AGBL1: variants seen among roughly 807,000 people sequenced by gnomAD.
AGBL1 encodes the protein AGBL carboxypeptidase 1.
A neutral mutation model predicts 118.9 loss-of-function variants in AGBL1; 130 were observed. The ratio of observed to expected loss-of-function variants is 1.09; its 90% CI spans 0.95 to 1.26. AGBL1 has a LOEUF of 1.26. Among genes scored for constraint, AGBL1 ranks in the 50% most tolerant of loss-of-function variants. AGBL1 has a pLI of 0.00. For missense variants in AGBL1, 1,584 were observed against 1,298.1 expected (o/e 1.22, Z -3.38); for synonymous variants, 555 against 478.9 (o/e 1.16, Z -2.08).
At chr15:86,663,282 T>C (rs2447251) in intron 21 of AGBL1, among the ~76,000 whole-genome samples, 2,061 of 152,344 alleles carry the variant, frequency 0.014, 14 homozygotes, top group Non-Finnish European at 0.022. Flanking sequence ...GGCCAGCTTC[T>C]GTTCTAATTG....
intron 18 of AGBL1, among the ~76,000 whole-genome samples, chr15:86,457,128 T>A (rs2082270672): frequency 6.6e-6 from 1 of 151,712 alleles, no homozygotes; most frequent in Admixed American, 6.6e-5. Context: ...TACGCATTCT[T>A]AAAAAAAAGC....
chr15:86,232,954 A>T (rs895184690), intron 6 of AGBL1, among the ~76,000 whole-genome samples: 3 of 152,186 alleles, frequency 2.0e-5, no homozygotes, highest in Middle Eastern at 3.2e-3. Flanking sequence ...AATAATGACT[A>T]TCAATAATTA....
chr15:86,185,922 C>T (rs959079492), intron 5 of AGBL1, among the ~76,000 whole-genome samples: 2 of 151,966 alleles, frequency 1.3e-5, no homozygotes, highest in African/African-American at 4.8e-5. Context: ...AAATCGTTTC[C>T]AGTTTCTTAA....
intron 1 of AGBL1, among the ~76,000 whole-genome samples, chr15:86,111,137 C>T (rs1257534863): frequency 6.6e-6 from 1 of 152,222 alleles, no homozygotes; most frequent in Non-Finnish European, 1.5e-5. Context: ...CCCGGTTGGT[C>T]CTGAGCGTCT....
At chr15:86,375,726 C>T (rs889135855) in intron 17 of AGBL1, among the ~76,000 whole-genome samples, 10 of 152,158 alleles carry the variant, frequency 6.6e-5, no homozygotes, top group African/African-American at 2.4e-4. Context: ...CCTTAGCTGG[C>T]CCTAAAAATC....
intron 22 of AGBL1, among the ~76,000 whole-genome samples, chr15:86,778,466 G>A (rs1054351487): frequency 8.6e-5 from 13 of 152,020 alleles, no homozygotes; most frequent in African/African-American, 2.4e-4. Flanking sequence ...TGTAAAAGAC[G>A]GCCACCCCCC....
At chr15:86,657,932 T>C (rs1164839131) in intron 21 of AGBL1, among the ~76,000 whole-genome samples, 1 of 152,038 alleles carries the variant, frequency 6.6e-6, no homozygotes, top group African/African-American at 2.4e-5. Context: ...CTCCTGCTTA[T>C]TGAGAATACA....
At chr15:86,250,500 T>G (rs1252447428) in intron 7 of AGBL1, among the ~76,000 whole-genome samples, 1 of 114,748 alleles carries the variant, frequency 8.7e-6, no homozygotes, top group African/African-American at 3.5e-5. Flanking sequence ...CACTCCAGTC[T>G]GGGCAACAGA....
chr15:86,286,748 T>TATATATATATATAA lies in AGBL1; in HGVS notation c.2220+6966_2220+6967insTATATATATATAAA, dbSNP rs1306818279. Among the ~76,000 whole-genome samples the TATATATATATATAA allele has an allele frequency of 2.0e-3, 288 of 146,210 alleles. 7 individuals are homozygous for TATATATATATATAA. Among genetic ancestry groups the TATATATATATATAA allele is most frequent in the African/African-American group, 7.0e-3 (272 of 38,928 alleles). On this transcript the variant is annotated intron_variant, in intron 16 of 22. Coordinates refer to ENST00000614907, the MANE Select transcript of AGBL1 (RefSeq NM_001386094.1). The stretch of plus-strand genomic sequence containing the variant: ...GTGTTTGTGTGTGTATATATATATA[T>TATATATATATATAA]AAAACTCCATCAATGCGCACTGTGG...
At chr15:86,315,591 G>T (rs532295778) in intron 17 of AGBL1, among the ~76,000 whole-genome samples, 3 of 151,654 alleles carry the variant, frequency 2.0e-5, no homozygotes, top group Admixed American at 2.0e-4. Flanking sequence ...GGTGGTGCGC[G>T]CCTGTAGTCC....
intron 1 of AGBL1, among the ~76,000 whole-genome samples, chr15:86,102,578 C>G (rs776838566): frequency 2.0e-5 from 3 of 152,116 alleles, no homozygotes; most frequent in Non-Finnish European, 4.4e-5. Context: ...GCATAATATT[C>G]CCGCCCCACC....
At chr15:86,579,571 A>G (rs1181183762) in intron 21 of AGBL1, among the ~76,000 whole-genome samples, 2 of 152,206 alleles carry the variant, frequency 1.3e-5, no homozygotes, top group African/African-American at 2.4e-5. Flanking sequence ...GGGGAATTGT[A>G]GCAGAAGTAA....
At chr15:86,845,812 T>C (rs2347243) in intron 22 of AGBL1, among the ~76,000 whole-genome samples, 3,438 of 152,300 alleles carry the variant, frequency 0.023, 128 homozygotes, top group East Asian at 0.19. Flanking sequence ...AAATTGTGTT[T>C]GGTAAATCTG....
intron 17 of AGBL1, among the ~76,000 whole-genome samples, chr15:86,319,721 A>ACTTTGTTTT (rs968532535): frequency 6.8e-5 from 6 of 88,194 alleles, no homozygotes; most frequent in Non-Finnish European, 9.5e-5. Flanking sequence ...GTAGTCTTGT[A>ACTTTGTTTT]CTTTGTTTTG....
chr15:86,984,210 G>T (rs1047038885), intron 23 of AGBL1, among the ~76,000 whole-genome samples: 1 of 152,028 alleles, frequency 6.6e-6, no homozygotes, highest in African/African-American at 2.4e-5. Context: ...TTTAATTTTA[G>T]CTACTATTAT....
chr15:86,838,438 C>T (rs983087281), intron 22 of AGBL1, among the ~76,000 whole-genome samples: 3 of 152,000 alleles, frequency 2.0e-5, no homozygotes, highest in African/African-American at 7.2e-5. Context: ...TCAACCATTT[C>T]GTATTTCTGC....
At chr15:86,463,998 G>A (rs576116790) in intron 18 of AGBL1, among the ~76,000 whole-genome samples, 64 of 152,184 alleles carry the variant, frequency 4.2e-4, no homozygotes, top group Non-Finnish European at 8.2e-4. Flanking sequence ...GTGGCTTGAT[G>A]GGAATAGCAT....
chr15:86,700,765 C>T lies in AGBL1; in HGVS notation c.3158+26329C>T, dbSNP rs534113218. Reference sequence around the variant, plus strand: ...TTCTTTTTCTGTGCTTCCCTGTTCTCAGAGAAGTTTCTTCATGAGATCTAG... The same window carrying T: ...TTCTTTTTCTGTGCTTCCCTGTTCTTAGAGAAGTTTCTTCATGAGATCTAG... On this transcript the variant is annotated intron_variant, in intron 22 of 22. Transcript: ENST00000614907. 2.6e-5 allele frequency among the ~76,000 whole-genome samples: 4 copies of T among 152,154 alleles called. No individual in the cohort carries two copies. In the East Asian group the frequency reaches 5.8e-4, roughly 22 times the overall value.
chr15:86,247,972 A>T lies in AGBL1; in HGVS notation c.735+93A>T, dbSNP rs2078748947. 1.0e-5 allele frequency: 15 copies of T among 1,446,402 alleles called. No homozygotes were observed. The South Asian group carries it at 1.7e-4, about 17-fold the overall frequency. The allele number at this position is 1,446,402 out of a possible 1,614,324, so 89.6% of individuals were successfully genotyped here. On this transcript the variant is annotated intron_variant, in intron 7 of 22. Coordinates refer to ENST00000614907, the MANE Select transcript of AGBL1 (RefSeq NM_001386094.1). The stretch of plus-strand genomic sequence containing the variant: ...GGAATCATCCCAGATAGAGCTGGGA[A>T]CGCCTCAGTCTATTTCTTGTTGCCT...
Sources: gnomAD v4.1 joint callset for allele counts (sites outside exome capture counted in the v4.1 genomes callset) on GRCh38, gnomAD v4.1.1 for gene constraint, MANE v1.5 for transcripts, NCBI Gene and HGNC (gene_info 2026-07-23, HGNC 2026-07-21) for gene names.